Variants in ANKRD31 observed in about 807,000 individuals in gnomAD.
ANKRD31 encodes the protein ankyrin repeat domain-containing protein 31.
ANKRD31 carries 147 observed loss-of-function variants against 186.0 expected under a neutral mutation model. The ratio of observed to expected loss-of-function variants is 0.79; its 90% CI spans 0.69 to 0.91. The LOEUF (loss-of-function observed/expected upper bound fraction) is 0.91, where lower values mean the gene tolerates loss of function less well. Ranked by LOEUF, ANKRD31 falls within the 40% of genes least tolerant of loss-of-function variation. The pLI, the probability that ANKRD31 is intolerant of heterozygous loss-of-function variation, is 0.00. For missense variants in ANKRD31, 1,986 were observed against 2,148.8 expected (o/e 0.92, Z 1.50); for synonymous variants, 673 against 736.4 (o/e 0.91, Z 1.39).
intron 11 of ANKRD31, among the ~76,000 whole-genome samples, chr5:75,162,224 G>A (rs986354419): frequency 6.6e-6 from 1 of 152,234 alleles, no homozygotes; most frequent in Non-Finnish European, 1.5e-5. Context: ...CAAAGGCAGA[G>A]CTGCCCACGA....
chr5:75,097,171 AC>A (rs1746400431), intron 22 of ANKRD31, among the ~76,000 whole-genome samples: 1 of 152,194 alleles, frequency 6.6e-6, no homozygotes, highest in Non-Finnish European at 1.5e-5. Context: ...TTGGGCATAT[AC>A]CCAGTAATGG....
intron 23 of ANKRD31, among the ~76,000 whole-genome samples, chr5:75,089,406 C>T (rs545241611): frequency 1.3e-5 from 2 of 152,288 alleles, no homozygotes; most frequent in Non-Finnish European, 2.9e-5. Flanking sequence ...CCTTGCCTGA[C>T]CACCAACCAC....
chr5:75,150,808 AT>A (rs1195314167), intron 12 of ANKRD31, among the ~76,000 whole-genome samples: 1 of 152,044 alleles, frequency 6.6e-6, no homozygotes, highest in Admixed American at 6.6e-5. Context: ...CAAAGCAATA[AT>A]TTAAAAATAT....
At chr5:75,235,892 T>C (rs1758242694) in intron 1 of ANKRD31, among the ~76,000 whole-genome samples, 1 of 150,962 alleles carries the variant, frequency 6.6e-6, no homozygotes, top group Non-Finnish European at 1.5e-5. Context: ...TCATATGAAC[T>C]GGCAAGTGGG....
chr5:75,169,090 T>A lies in ANKRD31; in HGVS notation c.1596A>T (p.Gly532=). 6.5e-7 allele frequency: 1 copy of A among 1,537,110 alleles called. No individual in the cohort carries two copies. Among genetic ancestry groups the A allele is most frequent in the Non-Finnish European group, 8.7e-7 (1 of 1,146,636 alleles). Residue 532 remains glycine (G), a synonymous_variant, in exon 11 of 26, where the codon GGA becomes GGT. Coordinates refer to ENST00000506364, the MANE Select transcript of ANKRD31 (RefSeq NM_001372053.1). ...GWTALHEASV[G]GFYRTASELL... ...GTTCACTTGCTGTCCGATAAAATCC[T>A]CCTACACTAGCTTCATGAAGTGCTG...
intron 20 of ANKRD31, among the ~76,000 whole-genome samples, chr5:75,110,665 C>T (rs957271611): frequency 2.0e-5 from 3 of 149,796 alleles, no homozygotes; most frequent in Admixed American, 6.7e-5. Context: ...GCTGAGATCA[C>T]ACCACTGCAC....
At chr5:75,214,432 G>C (rs2150294253) in intron 3 of ANKRD31, among the ~76,000 whole-genome samples, 1 of 152,274 alleles carries the variant, frequency 6.6e-6, no homozygotes, top group East Asian at 1.9e-4. Flanking sequence ...GTAGCATCAG[G>C]GGTACCTAAC....
At chr5:75,138,212 G>T (rs982697515) in intron 16 of ANKRD31, among the ~76,000 whole-genome samples, 1 of 152,078 alleles carries the variant, frequency 6.6e-6, no homozygotes, top group Non-Finnish European at 1.5e-5. Context: ...AATATTTGTT[G>T]ATATAAGTGC....
chr5:75,170,451 T>C lies in ANKRD31; in HGVS notation c.1565-1330A>G, dbSNP rs376309802. ...TTTTCAATTAAAAGGTAAGACTGTC[T>C]GAATGAATAAAAAAAGCAAAACTGT... On this transcript the variant is annotated intron_variant, in intron 10 of 25. Transcript: ENST00000506364. Among the ~76,000 whole-genome samples, 6 of 152,180 alleles carry C rather than the reference T, an allele frequency of 3.9e-5. No individual in the cohort carries two copies. The East Asian group carries it at 9.6e-4, about 24-fold the overall frequency.
At position 75,226,311 on chromosome 5, in the gene ANKRD31, T is replaced by G. The variant is rs181120229; in HGVS notation, c.179-3953A>C. Among the ~76,000 whole-genome samples the G allele has an allele frequency of 2.7e-4, 41 of 152,222 alleles. No homozygotes were observed. The East Asian group carries it at 7.9e-3, about 29-fold the overall frequency. On this transcript the variant is annotated intron_variant, in intron 2 of 25. Coordinates refer to ENST00000506364, the MANE Select transcript of ANKRD31 (RefSeq NM_001372053.1). ...ATTGTAGAGCTGTAGTGAACATAGG[T>G]GGTAGCCAGGTAATGGCTACAGCAG... is the stretch of plus-strand genomic sequence containing the variant.
chr5:75,181,104 C>T (rs1192306118), intron 10 of ANKRD31, among the ~76,000 whole-genome samples: 2 of 151,676 alleles, frequency 1.3e-5, no homozygotes, highest in Admixed American at 6.6e-5. Context: ...CAAAAGAAGA[C>T]ATTTATGCAG....
intron 22 of ANKRD31, among the ~76,000 whole-genome samples, chr5:75,101,255 T>C (rs967888205): frequency 4.6e-5 from 7 of 152,192 alleles, no homozygotes; most frequent in Admixed American, 6.5e-5. Context: ...TATTGGCCCC[T>C]ACTCTCTTCT....
At chr5:75,178,033 AG>A (rs1358479546) in intron 10 of ANKRD31, among the ~76,000 whole-genome samples, 6 of 152,306 alleles carry the variant, frequency 3.9e-5, no homozygotes, top group Non-Finnish European at 5.9e-5. Context: ...AAAGGGATGG[AG>A]GAAGATCTAC....
intron 17 of ANKRD31, among the ~76,000 whole-genome samples, chr5:75,122,011 G>T (rs1337619991): frequency 6.6e-6 from 1 of 151,816 alleles, no homozygotes; most frequent in Non-Finnish European, 1.5e-5. Flanking sequence ...AAAAACAAAG[G>T]ATCACTGAAT....
In ANKRD31 at chr5:75,080,612, T is replaced by C; in HGVS notation, c.5603A>G (p.Gln1868Arg). ...CTCAAACATTGATTTGTTTGGTTCCTGTACTGGGTCATCTAAACAAGCAAC... is the reference window on the plus strand; with the variant it reads ...CTCAAACATTGATTTGTTTGGTTCCCGTACTGGGTCATCTAAACAAGCAAC... ...PEVACLDDPVQEPNKSMFEKT... is the reference protein window; with the variant it reads ...PEVACLDDPVREPNKSMFEKT... Residue 1868 changes from glutamine to arginine, a missense_variant, in exon 25 of 26, where the codon CAG (glutamine) becomes CGG (arginine). Coordinates refer to ENST00000506364, the MANE Select transcript of ANKRD31 (RefSeq NM_001372053.1). 1 of 1,528,694 alleles carries C rather than the reference T, an allele frequency of 6.5e-7. No individual in the cohort carries two copies. The highest frequency in any genetic ancestry group is 8.7e-7 in the Non-Finnish European group (1 of 1,144,408). 94.7% of individuals were successfully genotyped at this position (1,528,694 alleles called of 1,614,324 possible).
intron 8 of ANKRD31, 35 bp downstream of exon 8, chr5:75,193,276 A>G: frequency 6.6e-7 from 1 of 1,524,664 alleles, no homozygotes; most frequent in East Asian, 2.4e-5. Context: ...TGTCTATAGC[A>G]TACCTGGAGA....
chr5:75,166,992 A>T (rs1022514230), intron 11 of ANKRD31, among the ~76,000 whole-genome samples: 3 of 152,130 alleles, frequency 2.0e-5, no homozygotes, highest in Non-Finnish European at 2.9e-5. Context: ...TTAGTATATT[A>T]AAAGGGTTGT....
chr5:75,231,949 A>AC (rs58916914), intron 1 of ANKRD31, among the ~76,000 whole-genome samples: 1 of 144,116 alleles, frequency 6.9e-6, no homozygotes, highest in Non-Finnish European at 1.5e-5. Flanking sequence ...ACACACACAC[A>AC]ACTTTCTAAT....
intron 11 of ANKRD31, among the ~76,000 whole-genome samples, chr5:75,161,782 TGGCTGAAA>T (rs1461491660): frequency 2.0e-5 from 3 of 152,194 alleles, no homozygotes; most frequent in Non-Finnish European, 4.4e-5. Flanking sequence ...GCTTCAGCCA[TGGCTGAAA>T]GGGACCTATG....
Sources: allele counts gnomAD v4.1 joint callset (sites outside exome capture counted in the v4.1 genomes callset), GRCh38; gene constraint gnomAD v4.1.1; transcripts MANE v1.5; gene names NCBI Gene and HGNC (gene_info 2026-07-23, HGNC 2026-07-21).